The following TMEM178B variants were observed in gnomAD, a reference collection of about 807,000 sequenced individuals.
TMEM178B encodes transmembrane protein 178B.
A neutral mutation model predicts 31.0 loss-of-function variants in TMEM178B; 5 were observed. The ratio of observed to expected loss-of-function variants is 0.16; its 90% CI spans 0.08 to 0.34. TMEM178B has a LOEUF of 0.34. Ranked by LOEUF, TMEM178B falls within the 10% of genes least tolerant of loss-of-function variation. The pLI is 1.00. For synonymous variants in TMEM178B, 164 were observed against 164.0 expected (o/e 1.00, Z 0.00); for missense variants, 275 against 400.3 (o/e 0.69, Z 2.67).
intron 3 of TMEM178B, among the ~76,000 whole-genome samples, chr7:141,467,199 G>T (rs533441160): frequency 6.6e-6 from 1 of 152,196 alleles, no homozygotes; most frequent in Non-Finnish European, 1.5e-5. Context: ...GGGAGTCTAG[G>T]TTGAGACCTA....
At chr7:141,121,543 C>T (rs1015942585) in intron 1 of TMEM178B, among the ~76,000 whole-genome samples, 2 of 152,090 alleles carry the variant, frequency 1.3e-5, no homozygotes, top group Non-Finnish European at 2.9e-5. Context: ...TAGTTTATTT[C>T]TTCTTTTTGT....
At chr7:141,413,451 A>G (rs557626588) in intron 2 of TMEM178B, among the ~76,000 whole-genome samples, 45 of 152,344 alleles carry the variant, frequency 3.0e-4, no homozygotes, top group Non-Finnish European at 5.1e-4. Flanking sequence ...AAGCAAAATA[A>G]AATTAAAAAG....
rs552827599 is a variant in TMEM178B at position 141,415,279 on chromosome 7, A to G, written c.497-22329A>G. 1.2e-3 allele frequency: 185 copies of G among 152,792 alleles called. 1 individual carries two copies. The highest frequency in any genetic ancestry group is 7.6e-3 in the Admixed American group (117 of 15,298). The allele number at this position is 152,792 out of a possible 1,614,324, so 9.5% of individuals were successfully genotyped here. ...CATCTGGCAATAGGATATGAAATGA[A>G]TTGGAGCAGAGAAACTCTGGAAAGA... On this transcript the variant is annotated intron_variant, in intron 2 of 3. Transcript: ENST00000565468.
intron 2 of TMEM178B, among the ~76,000 whole-genome samples, chr7:141,375,478 T>C (rs546148274): frequency 1.3e-5 from 2 of 152,236 alleles, no homozygotes; most frequent in African/African-American, 4.8e-5. Context: ...CCTTTTATGA[T>C]GCTGATTTTA....
At chr7:141,396,673 A>G (rs1243586871) in intron 2 of TMEM178B, among the ~76,000 whole-genome samples, 2 of 152,228 alleles carry the variant, frequency 1.3e-5, no homozygotes, top group African/African-American at 4.8e-5. Context: ...GCCTCAAAGA[A>G]GAGAAAAATG....
intron 1 of TMEM178B, among the ~76,000 whole-genome samples, chr7:141,083,083 A>T (rs375741634): frequency 9.9e-5 from 15 of 152,090 alleles, no homozygotes; most frequent in East Asian, 7.7e-4. Context: ...AGTTTGACCC[A>T]TCATACACAG....
intron 2 of TMEM178B, among the ~76,000 whole-genome samples, chr7:141,319,899 G>A (rs1799069119): frequency 6.6e-6 from 1 of 152,100 alleles, no homozygotes; most frequent in Non-Finnish European, 1.5e-5. Context: ...TCTGTAAAAG[G>A]GGATGTACTA....
intron 1 of TMEM178B, among the ~76,000 whole-genome samples, chr7:141,095,782 G>T (rs1794950004): frequency 6.6e-6 from 1 of 152,278 alleles, no homozygotes; most frequent in African/African-American, 2.4e-5. Context: ...ACCATCTGTT[G>T]CCTGGCTAAT....
At chr7:141,188,160 A>G (rs1309819369) in intron 1 of TMEM178B, among the ~76,000 whole-genome samples, 1 of 152,218 alleles carries the variant, frequency 6.6e-6, no homozygotes, top group Non-Finnish European at 1.5e-5. Flanking sequence ...GACTTTCAGT[A>G]TATCAATCTC....
In TMEM178B at chr7:141,470,672, G is replaced by T. The variant is rs1160255677; in HGVS notation, c.771G>T (p.Gly257=). 1 of 1,535,692 alleles carries T rather than the reference G, an allele frequency of 6.5e-7. No individual in the cohort carries two copies. Among genetic ancestry groups the T allele is most frequent in the African/African-American group, 1.4e-5 (1 of 73,036 alleles). Residue 257 remains glycine, a synonymous_variant, in exon 4 of 4, where the codon GGG becomes GGT. Transcript: ENST00000565468. ...GYGWSMFCAW[G]GLGLTLISGF... is the part of the protein sequence containing the mutation. The stretch of plus-strand genomic sequence containing the variant: ...GCTGGTCCATGTTCTGTGCATGGGG[G>T]GGCCTGGGCCTCACACTCATCTCGG...
At chr7:141,343,500 A>G (rs1303460770) in intron 2 of TMEM178B, among the ~76,000 whole-genome samples, 4 of 140,844 alleles carry the variant, frequency 2.8e-5, no homozygotes, top group Non-Finnish European at 6.1e-5. Flanking sequence ...TCAGGCTCTT[A>G]TAGCCACAGC....
In TMEM178B at chr7:141,079,465, C is replaced by A. The variant is rs940666681; in HGVS notation, c.382+4773C>A. ...CAGAGCCTATAGCCTCTAAAAGAACCAAGCACATAACTTTGTTTCAGATGA... is the reference window on the plus strand; with the variant it reads ...CAGAGCCTATAGCCTCTAAAAGAACAAAGCACATAACTTTGTTTCAGATGA... On this transcript the variant is annotated intron_variant, in intron 1 of 3. Coordinates refer to ENST00000565468, the MANE Select transcript of TMEM178B (RefSeq NM_001195278.2). Among the ~76,000 whole-genome samples the A allele has an allele frequency of 3.3e-5, 5 of 152,158 alleles. No homozygotes were observed. In the East Asian group the frequency reaches 5.8e-4, roughly 18 times the overall value.
Position 141,413,542 on chromosome 7 carries a change from C to T in TMEM178B, c.497-24066C>T, listed in dbSNP as rs573628877. On this transcript the variant is annotated intron_variant, in intron 2 of 3. Transcript: ENST00000565468. The stretch of plus-strand genomic sequence containing the variant: ...CTGTTCTTTTGCAAGACCTTGGATC[C>T]TTTTTTCTGGCATTCTTGGGTCATT... Among the ~76,000 whole-genome samples the T allele has an allele frequency of 3.9e-5, 6 of 152,238 alleles. No homozygotes were observed. The East Asian group carries it at 1.2e-3, about 29-fold the overall frequency.
chr7:141,085,878 A>C (rs1023251777), intron 1 of TMEM178B, among the ~76,000 whole-genome samples: 2 of 152,002 alleles, frequency 1.3e-5, no homozygotes, highest in African/African-American at 4.8e-5. Flanking sequence ...TCCACTTATG[A>C]GCACGTGAAG....
chr7:141,347,556 G>A (rs546313881), intron 2 of TMEM178B, among the ~76,000 whole-genome samples: 24 of 152,242 alleles, frequency 1.6e-4, no homozygotes, highest in Admixed American at 7.2e-4. Context: ...TTAAGCACTA[G>A]CATCATGCTC....
intron 2 of TMEM178B, among the ~76,000 whole-genome samples, chr7:141,378,635 C>T (rs865787544): frequency 3.8e-4 from 58 of 152,208 alleles, no homozygotes; most frequent in African/African-American, 5.8e-4. Flanking sequence ...CTTGTTTAGC[C>T]TCTACAGCTA....
intron 2 of TMEM178B, among the ~76,000 whole-genome samples, chr7:141,255,720 G>A (rs926099406): frequency 1.3e-5 from 2 of 151,430 alleles, no homozygotes; most frequent in East Asian, 1.9e-4. Context: ...TATTGTCCCC[G>A]ACCCCTGCCT....
At chr7:141,439,999 G>C (rs1801627804) in intron 3 of TMEM178B, among the ~76,000 whole-genome samples, 1 of 152,214 alleles carries the variant, frequency 6.6e-6, no homozygotes, top group South Asian at 2.1e-4. Flanking sequence ...CACATCACTG[G>C]TCAAACAATA....
At chr7:141,288,073 T>C (rs1313370091) in intron 2 of TMEM178B, among the ~76,000 whole-genome samples, 1 of 152,184 alleles carries the variant, frequency 6.6e-6, no homozygotes, top group Non-Finnish European at 1.5e-5. Context: ...CTGACCCCTG[T>C]GGCAGAGCTG....
Sources: gnomAD v4.1 joint callset for allele counts (sites outside exome capture counted in the v4.1 genomes callset) on GRCh38, gnomAD v4.1.1 for gene constraint, MANE v1.5 for transcripts, NCBI Gene and HGNC (gene_info 2026-07-23, HGNC 2026-07-21) for gene names.